MOB1A: variants seen among roughly 807,000 people sequenced by gnomAD.
The protein encoded by MOB1A is MOB kinase activator 1A.
A neutral mutation model predicts 25.1 loss-of-function variants in MOB1A; 10 were observed. The observed-to-expected ratio is 0.40, with a 90% CI of 0.25 to 0.68. MOB1A has a LOEUF of 0.68. Ranked by LOEUF, MOB1A falls within the 30% of genes least tolerant of loss-of-function variation. The pLI is 0.40. For missense variants in MOB1A, 177 were observed against 256.3 expected, an observed-to-expected ratio of 0.69 and a Z score of 2.11; for synonymous variants, 81 against 79.5, an observed-to-expected ratio of 1.02 and a Z score of -0.10.
At chr2:74,174,948 T>C (rs1250794389) in intron 1 of MOB1A, among the ~76,000 whole-genome samples, 3 of 152,192 alleles carry the variant, frequency 2.0e-5, no homozygotes, top group Non-Finnish European at 4.4e-5. Flanking sequence ...AAAGTTTAAA[T>C]GATTACATTA....
intron 4 of MOB1A, 69 bp downstream of exon 4, chr2:74,165,149 C>T (rs1454544493): frequency 4.0e-6 from 5 of 1,253,424 alleles, no homozygotes; most frequent in Non-Finnish European, 5.3e-6. Flanking sequence ...GCAAACCCCC[C>T]CAACTCTATT....
intron 4 of MOB1A, among the ~76,000 whole-genome samples, chr2:74,162,107 G>GT (rs1692989551): frequency 6.6e-6 from 1 of 152,192 alleles, no homozygotes; most frequent in Non-Finnish European, 1.5e-5. Context: ...ACTGGCAAAA[G>GT]TAAGATGCAG....
chr2:74,156,450 A>G lies in MOB1A; in HGVS notation c.*118T>C, dbSNP rs1210595124. 2 of 803,712 alleles carry G rather than the reference A, an allele frequency of 2.5e-6. No homozygotes were observed. 49.8% of individuals were successfully genotyped at this position (803,712 alleles called of 1,614,324 possible). ...ATAATTTTATCAGTAGACACAGGCA[A>G]TGGGTATCTTTTTATCCTGTTTTCT... On this transcript the variant is annotated 3_prime_UTR_variant, in exon 6 of 6. Coordinates refer to ENST00000396049, the MANE Select transcript of MOB1A (RefSeq NM_018221.5).
At chr2:74,164,732 T>C (rs1445042938) in intron 4 of MOB1A, 2 of 152,064 alleles carry the variant, frequency 1.3e-5, no homozygotes, top group Non-Finnish European at 2.9e-5. Context: ...AAAGCGCTAA[T>C]ATCCTTTACA....
chr2:74,169,048 G>A (rs1189749943), intron 2 of MOB1A, among the ~76,000 whole-genome samples: 1 of 152,080 alleles, frequency 6.6e-6, no homozygotes, highest in Non-Finnish European at 1.5e-5. Flanking sequence ...ATACAGAAAC[G>A]GATATAAGAA....
intron 2 of MOB1A, among the ~76,000 whole-genome samples, chr2:74,170,882 C>G (rs1386420431): frequency 6.7e-6 from 1 of 149,790 alleles, no homozygotes; most frequent in East Asian, 2.0e-4. Flanking sequence ...AAAGCAAGAC[C>G]CCATCTCTGA....
Position 74,154,897 on chromosome 2 carries a change from T to C in MOB1A, c.*1671A>G, listed in dbSNP as rs1268099257. On this transcript the variant is annotated 3_prime_UTR_variant, in exon 6 of 6. Transcript: ENST00000396049. ...CCCACACTTTAATTCCTCAATGATATGTGGATGCTAACTAAATCAGATGAA... is the reference window on the plus strand; with the variant it reads ...CCCACACTTTAATTCCTCAATGATACGTGGATGCTAACTAAATCAGATGAA... 2 of 152,222 alleles carry C rather than the reference T, an allele frequency of 1.3e-5. No individual in the cohort carries two copies. Among genetic ancestry groups the C allele is most frequent in the Non-Finnish European group, 2.9e-5 (2 of 68,046 alleles). 9.4% of individuals were successfully genotyped at this position (152,222 alleles called of 1,614,324 possible).
intron 2 of MOB1A, among the ~76,000 whole-genome samples, chr2:74,171,295 AAAAT>A (rs1381941649): frequency 1.3e-5 from 2 of 151,378 alleles, no homozygotes; most frequent in African/African-American, 4.9e-5. Flanking sequence ...CTCAAAAAAT[AAAAT>A]AAAAAAAAAA....
At chr2:74,169,183 G>T in intron 2 of MOB1A, among the ~76,000 whole-genome samples, 1 of 152,224 alleles carries the variant, frequency 6.6e-6, no homozygotes, top group East Asian at 1.9e-4. Flanking sequence ...ATGGTAACAT[G>T]TAATGGGTTT....
chr2:74,173,717 G>A (rs1380496058), intron 1 of MOB1A, among the ~76,000 whole-genome samples: 14 of 150,760 alleles, frequency 9.3e-5, no homozygotes, highest in Admixed American at 3.3e-4. Context: ...TTGGGAGGCC[G>A]AGACGGGTGG....
chr2:74,166,722 G>A (rs1437601901), intron 3 of MOB1A, among the ~76,000 whole-genome samples: 1 of 152,152 alleles, frequency 6.6e-6, no homozygotes, highest in Non-Finnish European at 1.5e-5. Context: ...TGTAATCCCA[G>A]CCACTCGGGA....
chr2:74,172,912 G>T, intron 1 of MOB1A, 160 bp from the exon 2 acceptor site: 1 of 721,348 alleles, frequency 1.4e-6, no homozygotes, highest in Non-Finnish European at 2.3e-6. Context: ...AGCACTTTGG[G>T]ATCACCTGAG....
chr2:74,169,996 G>T (rs542032718), intron 2 of MOB1A, among the ~76,000 whole-genome samples: 11 of 152,150 alleles, frequency 7.2e-5, no homozygotes, highest in Admixed American at 5.2e-4. Flanking sequence ...TTTTAAGAGG[G>T]TAAGTGGATC....
At chr2:74,160,861 C>T (rs1211035652) in intron 4 of MOB1A, among the ~76,000 whole-genome samples, 2 of 152,200 alleles carry the variant, frequency 1.3e-5, no homozygotes, top group East Asian at 3.9e-4. Context: ...GAGTTCGAGA[C>T]CAGCCTGACC....
chr2:74,156,787 G>A lies in MOB1A; in HGVS notation c.574-142C>T, dbSNP rs1453432964. 4.8e-6 allele frequency: 3 copies of A among 629,078 alleles called. No homozygotes were observed. The East Asian group carries it at 8.4e-5, about 18-fold the overall frequency. 39.0% of individuals were successfully genotyped at this position (629,078 alleles called of 1,614,324 possible). A position where few individuals can be genotyped will look rare whatever the true frequency, so the allele number is the denominator to read the frequency against. On this transcript the variant is annotated intron_variant, in intron 5 of 5. Transcript: ENST00000396049. ...TAACCTCTGTGAACATTTTAAAGTA[G>A]GCATTTATTCTTTTTCTTTTTTTTT...
chr2:74,178,799 A>T lies in MOB1A; in HGVS notation c.-125T>A, dbSNP rs1693554995. 6.2e-6 allele frequency: 3 copies of T among 486,420 alleles called. No homozygotes were observed. The highest frequency in any genetic ancestry group is 9.5e-6 in the Non-Finnish European group (3 of 316,022). 30.1% of individuals were successfully genotyped at this position (486,420 alleles called of 1,614,324 possible). On this transcript the variant is annotated 5_prime_UTR_variant, in exon 1 of 6. Coordinates refer to ENST00000396049, the MANE Select transcript of MOB1A (RefSeq NM_018221.5). Reference sequence around the variant, plus strand: ...CGGAAGCCGGGCCGCCGCCGCTCGGAGCCGGGTTTCTGGCCGCTGCGAGCC... The same window carrying T: ...CGGAAGCCGGGCCGCCGCCGCTCGGTGCCGGGTTTCTGGCCGCTGCGAGCC...
rs112503939 is a variant in MOB1A at position 74,167,165 on chromosome 2, C to CT, written c.182-59_182-58insA. On this transcript the variant is annotated intron_variant, in intron 2 of 5. Coordinates refer to ENST00000396049, the MANE Select transcript of MOB1A (RefSeq NM_018221.5). ...TGTGTAAACACAAAATATGAGACCT[C>CT]CAGTTGAAGGAAAAACAGACAATAC... 12,921 of 1,330,692 alleles carry CT rather than the reference C, an allele frequency of 9.7e-3. 1,005 individuals carry two copies. The African/African-American group carries it at 0.17, about 17-fold the overall frequency. 82.4% of individuals were successfully genotyped at this position (1,330,692 alleles called of 1,614,324 possible). A position where few individuals can be genotyped will look rare whatever the true frequency, so the allele number is the denominator to read the frequency against.
At chr2:74,168,021 C>T (rs1485226566) in intron 2 of MOB1A, among the ~76,000 whole-genome samples, 2 of 152,158 alleles carry the variant, frequency 1.3e-5, no homozygotes, top group African/African-American at 4.8e-5. Context: ...CACCTACAGT[C>T]CCAGCTATGT....
intron 5 of MOB1A, among the ~76,000 whole-genome samples, chr2:74,157,283 G>C (rs776470910): frequency 4.6e-5 from 7 of 152,060 alleles, no homozygotes; most frequent in Admixed American, 6.6e-5. Flanking sequence ...AGAGCTTCCA[G>C]ATAGCTGAAC....
Sources: allele counts gnomAD v4.1 joint callset (sites outside exome capture counted in the v4.1 genomes callset), GRCh38; gene constraint gnomAD v4.1.1; transcripts MANE v1.5; gene names NCBI Gene and HGNC (gene_info 2026-07-23, HGNC 2026-07-21).